Variants in FRMD6 observed in about 807,000 individuals in gnomAD.
FRMD6 encodes FERM domain containing 6, also known as FERM domain-containing protein 6.
A neutral mutation model predicts 73.2 loss-of-function variants in FRMD6; 37 were observed. That is an observed-to-expected ratio of 0.51 (90% CI 0.39 to 0.66). The LOEUF (loss-of-function observed/expected upper bound fraction) is 0.66. Ranked by LOEUF, FRMD6 falls within the 30% of genes least tolerant of loss-of-function variation. The probability of loss-of-function intolerance (pLI) is 0.00; values close to 1 mark genes in which losing one functional copy is unlikely to be tolerated. For synonymous variants in FRMD6, 273 were observed against 282.2 expected (o/e 0.97, Z 0.33); for missense variants, 714 against 780.5 (o/e 0.91, Z 1.02).
chr14:51,725,194 G>T (rs574850556), intron 12 of FRMD6, among the ~76,000 whole-genome samples: 1 of 152,160 alleles, frequency 6.6e-6, no homozygotes, highest in Non-Finnish European at 1.5e-5. Flanking sequence ...TAGCAGGCAG[G>T]TGCTGTTATT....
intron 1 of FRMD6, among the ~76,000 whole-genome samples, chr14:51,674,637 G>C (rs1894254729): frequency 1.3e-5 from 2 of 152,026 alleles, no homozygotes; most frequent in Non-Finnish European, 2.9e-5. Flanking sequence ...TCAAGGTTGA[G>C]GTATGGTTCC....
the FRMD6 span, among the ~76,000 whole-genome samples, chr14:51,402,368 G>A: frequency 1.3e-5 from 2 of 152,148 alleles, no homozygotes; most frequent in African/African-American, 4.8e-5. Flanking sequence ...GTTGTAGAGA[G>A]ACCCAGTGGG....
chr14:51,398,709 T>A, the FRMD6 span, among the ~76,000 whole-genome samples: 1 of 152,048 alleles, frequency 6.6e-6, no homozygotes, highest in African/African-American at 2.4e-5. Context: ...TACACCCTGA[T>A]ATGCTAATAA....
chr14:51,593,117 G>A (rs568604168), intron 2 of FRMD6, among the ~76,000 whole-genome samples: 19 of 152,240 alleles, frequency 1.2e-4, no homozygotes, highest in Middle Eastern at 3.4e-3. Context: ...GCATCCTGAT[G>A]AGCTGCATTT....
At chr14:51,597,500 T>A (rs1353033254) in intron 2 of FRMD6, among the ~76,000 whole-genome samples, 1 of 152,116 alleles carries the variant, frequency 6.6e-6, no homozygotes, top group Non-Finnish European at 1.5e-5. Context: ...GATGGAGACC[T>A]AGAGCCTACA....
At chr14:51,402,930 G>A in the FRMD6 span, among the ~76,000 whole-genome samples, 184 of 152,084 alleles carry the variant, frequency 1.2e-3, no homozygotes, top group Non-Finnish European at 1.8e-3. Flanking sequence ...GAGCCACCGC[G>A]CCCAGCTAGG....
chr14:51,586,799 A>G (rs2139697578), intron 2 of FRMD6, among the ~76,000 whole-genome samples: 1 of 152,166 alleles, frequency 6.6e-6, no homozygotes, highest in Admixed American at 6.5e-5. Context: ...GCTGGAGTGC[A>G]GTGGCATGAG....
chr14:51,411,386 G>C, the FRMD6 span, among the ~76,000 whole-genome samples: 1 of 152,158 alleles, frequency 6.6e-6, no homozygotes, highest in African/African-American at 2.4e-5. Flanking sequence ...GACATGGAGG[G>C]GGAAGGAGAT....
At chr14:51,605,870 C>T (rs1296307099) in intron 2 of FRMD6, among the ~76,000 whole-genome samples, 3 of 152,132 alleles carry the variant, frequency 2.0e-5, no homozygotes, top group Non-Finnish European at 2.9e-5. Flanking sequence ...GCTGTACCCC[C>T]GAGTCTCAGA....
chr14:51,695,198 A>G (rs1159948845), intron 2 of FRMD6, among the ~76,000 whole-genome samples: 4 of 152,200 alleles, frequency 2.6e-5, no homozygotes, highest in African/African-American at 9.7e-5. Flanking sequence ...ACTAAGGATT[A>G]AAGGTGCTGT....
chr14:51,416,235 T>C, the FRMD6 span, among the ~76,000 whole-genome samples: 1 of 152,238 alleles, frequency 6.6e-6, no homozygotes, highest in African/African-American at 2.4e-5. Context: ...GTTCTTTTAA[T>C]TGTGATGTTA....
chr14:51,605,135 G>C (rs113848595), intron 2 of FRMD6, among the ~76,000 whole-genome samples: 7,034 of 91,088 alleles, frequency 0.077, 403 homozygotes, highest in African/African-American at 0.19. Context: ...TTCTCTGCAG[G>C]TTTCTTTTTT....
chr14:51,598,201 C>T (rs1162089112), intron 2 of FRMD6, among the ~76,000 whole-genome samples: 4 of 152,092 alleles, frequency 2.6e-5, no homozygotes, highest in Non-Finnish European at 5.9e-5. Context: ...CTCCCCCTAG[C>T]CCCCAAAAAA....
At chr14:51,447,537 C>G in the FRMD6 span, among the ~76,000 whole-genome samples, 1 of 152,210 alleles carries the variant, frequency 6.6e-6, no homozygotes, top group African/African-American at 2.4e-5. Flanking sequence ...ACTGCACCAT[C>G]TGGAGCACCT....
chr14:51,547,001 C>T (rs935978734), intron 1 of FRMD6, among the ~76,000 whole-genome samples: 1 of 151,684 alleles, frequency 6.6e-6, no homozygotes, highest in Admixed American at 6.6e-5. Flanking sequence ...TCGGTGCCTT[C>T]CTTAACCAAG....
At chr14:51,631,867 G>A (rs11157838) in intron 2 of FRMD6, among the ~76,000 whole-genome samples, 35,133 of 152,080 alleles carry the variant, frequency 0.23, 4,427 homozygotes, top group East Asian at 0.29. Context: ...GTGTTTTGTC[G>A]CAACAAATTC....
the FRMD6 span, among the ~76,000 whole-genome samples, chr14:51,457,346 T>C: frequency 6.6e-6 from 1 of 151,894 alleles, no homozygotes; most frequent in Non-Finnish European, 1.5e-5. Flanking sequence ...AAGTATATGA[T>C]GACTAGAAAA....
chr14:51,471,227 C>T, the FRMD6 span, among the ~76,000 whole-genome samples: 8 of 152,240 alleles, frequency 5.3e-5, no homozygotes, highest in Admixed American at 3.9e-4. Context: ...CGGTGGCTCA[C>T]GCTTATAATC....
chr14:51,661,095 TGA>T (rs1893191893), intron 1 of FRMD6, among the ~76,000 whole-genome samples: 1 of 151,814 alleles, frequency 6.6e-6, no homozygotes, highest in African/African-American at 2.4e-5. Context: ...TGCAGAGGAG[TGA>T]GAGGATTTGA....
Sources: allele counts gnomAD v4.1 joint callset (sites outside exome capture counted in the v4.1 genomes callset), GRCh38; gene constraint gnomAD v4.1.1; transcripts MANE v1.5; gene names NCBI Gene and HGNC (gene_info 2026-07-23, HGNC 2026-07-21).